The following SSPN variants were observed in gnomAD, a reference collection of about 807,000 sequenced individuals.
SSPN encodes the protein sarcospan.
A neutral mutation model predicts 19.1 loss-of-function variants in SSPN; 15 were observed. The ratio of observed to expected loss-of-function variants is 0.78; its 90% CI spans 0.52 to 1.21. SSPN has a LOEUF of 1.21. SSPN is among the 50% of genes most tolerant of loss of function. The probability of loss-of-function intolerance (pLI) is 0.00; values close to 1 mark genes in which losing one functional copy is unlikely to be tolerated. For missense variants in SSPN, 291 were observed against 314.0 expected, an observed-to-expected ratio of 0.93 and a Z score of 0.55; for synonymous variants, 147 against 140.3, an observed-to-expected ratio of 1.05 and a Z score of -0.34.
At chr12:26,174,362 G>A (rs7136036) in intron 1 of SSPN, among the ~76,000 whole-genome samples, 85,536 of 152,026 alleles carry the variant, frequency 0.56, 25,611 homozygotes, top group African/African-American at 0.78. Context: ...TGATTGTCAT[G>A]TAATACACTG....
intron 1 of SSPN, chr12:26,122,927 G>A: frequency 6.4e-7 from 1 of 1,551,132 alleles, no homozygotes; most frequent in Non-Finnish European, 8.7e-7. Context: ...CCGCGGACCC[G>A]GCGGCCGAGG....
chr12:26,186,923 T>C (rs1028811507), intron 1 of SSPN, among the ~76,000 whole-genome samples: 2 of 152,202 alleles, frequency 1.3e-5, no homozygotes, highest in Non-Finnish European at 2.9e-5. Flanking sequence ...ATCAAGCCTC[T>C]CTCTCTCTTT....
chr12:26,160,579 C>A (rs553781922), intron 1 of SSPN, among the ~76,000 whole-genome samples: 1 of 152,156 alleles, frequency 6.6e-6, no homozygotes, highest in East Asian at 1.9e-4. Flanking sequence ...TATCAATATA[C>A]GTGGAGTGTG....
At chr12:26,140,794 A>G (rs868550074) in intron 1 of SSPN, among the ~76,000 whole-genome samples, 1 of 152,164 alleles carries the variant, frequency 6.6e-6, no homozygotes, top group Non-Finnish European at 1.5e-5. Context: ...CAGTGAACCA[A>G]TTAAACCCCT....
chr12:26,186,639 A>T (rs987373894), intron 1 of SSPN, among the ~76,000 whole-genome samples: 2 of 152,196 alleles, frequency 1.3e-5, no homozygotes, highest in Non-Finnish European at 2.9e-5. Flanking sequence ...GTTATTGTAG[A>T]GATGAGGATG....
intron 1 of SSPN, among the ~76,000 whole-genome samples, chr12:26,200,464 T>C (rs1944867632): frequency 6.6e-6 from 1 of 152,180 alleles, no homozygotes; most frequent in African/African-American, 2.4e-5. Context: ...TAAAGCAGAA[T>C]ATACCATGAA....
intron 1 of SSPN, among the ~76,000 whole-genome samples, chr12:26,157,667 T>C (rs1392416409): frequency 2.6e-5 from 4 of 152,258 alleles, no homozygotes; most frequent in Admixed American, 2.0e-4. Context: ...TTGAAGTTCC[T>C]GTTAATTGTG....
At chr12:26,184,427 C>T (rs6487536) in intron 1 of SSPN, among the ~76,000 whole-genome samples, 1 of 151,950 alleles carries the variant, frequency 6.6e-6, no homozygotes, top group South Asian at 2.1e-4. Context: ...GTGACACATG[C>T]CACTTTATAG....
chr12:26,223,008 C>T (rs905827712), intron 1 of SSPN, among the ~76,000 whole-genome samples: 5 of 152,288 alleles, frequency 3.3e-5, no homozygotes, highest in South Asian at 4.1e-4. Context: ...AGCTCTGGTT[C>T]ACCTGATATA....
chr12:26,122,400 A>C (rs1944317126), intron 1 of SSPN: 1 of 1,283,182 alleles, frequency 7.8e-7, no homozygotes, highest in Non-Finnish European at 9.9e-7. Context: ...ATACTTCTCC[A>C]GGCCGCTCTT....
In SSPN at chr12:26,230,687, A is replaced by G. The variant is rs767970830; in HGVS notation, c.367-24A>G. ...CATCCAATGTTCTTTGTAACCAGAA[A>G]GGTTTTCTTCTGCTTTCTTGCAGCT... On this transcript the variant is annotated intron_variant, in intron 2 of 2. Coordinates refer to ENST00000242729, the MANE Select transcript of SSPN (RefSeq NM_005086.5). 3.2e-6 allele frequency: 5 copies of G among 1,574,178 alleles called. No homozygotes were observed. In the South Asian group the frequency reaches 4.6e-5, roughly 15 times the overall value.
At chr12:26,155,144 CT>C (rs1318963606) in intron 1 of SSPN, among the ~76,000 whole-genome samples, 1 of 152,142 alleles carries the variant, frequency 6.6e-6, no homozygotes, top group Non-Finnish European at 1.5e-5. Flanking sequence ...CAGTTGGCTG[CT>C]TTTAAAGTTA....
chr12:26,133,764 T>A (rs1439728745), intron 1 of SSPN, among the ~76,000 whole-genome samples: 16 of 152,224 alleles, frequency 1.1e-4, no homozygotes, highest in Admixed American at 1.0e-3. Context: ...TCTGCCACTT[T>A]CCACATCTTG....
chr12:26,193,363 T>C (rs1944800676), upstream of SSPN, among the ~76,000 whole-genome samples: 1 of 152,198 alleles, frequency 6.6e-6, no homozygotes, highest in African/African-American at 2.4e-5. Context: ...ATTCTGATAC[T>C]CAAATTTTTT....
intron 2 of SSPN, among the ~76,000 whole-genome samples, chr12:26,225,038 A>G (rs1463578861): frequency 1.3e-5 from 2 of 152,250 alleles, no homozygotes; most frequent in Non-Finnish European, 2.9e-5. Context: ...CATAGAACTT[A>G]GCAATCAGAG....
chr12:26,217,101 A>G (rs1353078210), intron 1 of SSPN, among the ~76,000 whole-genome samples: 123 of 132,304 alleles, frequency 9.3e-4, no homozygotes, highest in East Asian at 3.1e-3. Flanking sequence ...GTTTTTTCCA[A>G]TTCTGTGAAG....
intron 1 of SSPN, among the ~76,000 whole-genome samples, chr12:26,198,481 C>T (rs1479368440): frequency 6.6e-6 from 1 of 151,080 alleles, no homozygotes; most frequent in Non-Finnish European, 1.5e-5. Context: ...TAAATTAATA[C>T]ATGTAAAGCA....
At chr12:26,191,150 C>A (rs1944785176), upstream of SSPN, among the ~76,000 whole-genome samples, 1 of 152,164 alleles carries the variant, frequency 6.6e-6, no homozygotes, top group African/African-American at 2.4e-5. Flanking sequence ...ATTTGTTTAT[C>A]CATTCTTCTC....
chr12:26,185,383 C>T (rs189651713), intron 1 of SSPN, among the ~76,000 whole-genome samples: 1 of 152,130 alleles, frequency 6.6e-6, no homozygotes, highest in South Asian at 2.1e-4. Context: ...GCATGGGATT[C>T]CTAAACTCTG....
Sources: allele counts gnomAD v4.1 joint callset (sites outside exome capture counted in the v4.1 genomes callset), GRCh38; gene constraint gnomAD v4.1.1; transcripts MANE v1.5; gene names NCBI Gene and HGNC (gene_info 2026-07-23, HGNC 2026-07-21).